The following ZGRF1 variants were observed in gnomAD, a reference collection of about 807,000 sequenced individuals.
The protein encoded by ZGRF1 is 5'-3' DNA helicase ZGRF1.
A neutral mutation model predicts 203.5 loss-of-function variants in ZGRF1; 196 were observed. That is an observed-to-expected ratio of 0.96 (90% confidence interval 0.86 to 1.08). The LOEUF (loss-of-function observed/expected upper bound fraction) is 1.08. ZGRF1 is among the 50% of genes least tolerant of loss of function. ZGRF1 has a pLI of 0.00. For missense variants in ZGRF1, 2,326 were observed against 2,416.3 expected (o/e 0.96, Z 0.78); for synonymous variants, 809 against 841.3 (o/e 0.96, Z 0.66).
intron 10 of ZGRF1, among the ~76,000 whole-genome samples, chr4:112,600,650 G>T (rs1261548572): frequency 1.3e-5 from 2 of 152,064 alleles, no homozygotes; most frequent in Non-Finnish European, 2.9e-5. Context: ...CTGAGTGTTG[G>T]GAGGGAAACT....
At chr4:112,629,458 C>T (rs2047338206) in intron 3 of ZGRF1, among the ~76,000 whole-genome samples, 1 of 152,062 alleles carries the variant, frequency 6.6e-6, no homozygotes, top group South Asian at 2.1e-4. Context: ...ACGGCTTGAG[C>T]TCAGGAGTTT....
At chr4:112,628,367 A>T (rs1281525707) in intron 3 of ZGRF1, among the ~76,000 whole-genome samples, 1 of 152,220 alleles carries the variant, frequency 6.6e-6, no homozygotes, top group Non-Finnish European at 1.5e-5. Flanking sequence ...TAATAAGAGA[A>T]GAGCCAGAAT....
Position 112,614,875 on chromosome 4 carries a change from G to A in ZGRF1, c.2603-2287C>T, listed in dbSNP as rs1043631880. On this transcript the variant is annotated intron_variant, in intron 6 of 27. Coordinates refer to ENST00000505019, the MANE Select transcript of ZGRF1 (RefSeq NM_018392.5). ...ATAGTGCTATCTAGTGTTCCCAAGG[G>A]CAAGAAGACTGTGATATTCCTTATG... is the stretch of plus-strand genomic sequence containing the variant. 2.0e-5 allele frequency among the ~76,000 whole-genome samples: 3 copies of A among 152,040 alleles called. No individual in the cohort carries two copies. The South Asian group carries it at 6.2e-4, about 32-fold the overall frequency.
intron 23 of ZGRF1, 109 bp from the exon 24 acceptor site, chr4:112,547,517 G>T: frequency 1.1e-6 from 1 of 949,574 alleles, no homozygotes; most frequent in Non-Finnish European, 1.6e-6. Context: ...ATGCCATGAA[G>T]TATCCTGAGT....
rs368809552 is a variant in ZGRF1, at chr4:112,597,745, G to A, written c.2976+5779C>T. 2.3e-4 allele frequency among the ~76,000 whole-genome samples: 35 copies of A among 151,386 alleles called. No individual in the cohort carries two copies. In the East Asian group the frequency reaches 4.5e-3, roughly 19 times the overall value. On this transcript the variant is annotated intron_variant, in intron 10 of 27. Coordinates refer to ENST00000505019, the MANE Select transcript of ZGRF1 (RefSeq NM_018392.5). The stretch of plus-strand genomic sequence containing the variant: ...AATACCAAAAAAAAATTAGCTGGAC[G>A]TGGTGGTGCGTGCCTGTGGCCCCAG...
intron 6 of ZGRF1, among the ~76,000 whole-genome samples, chr4:112,617,205 A>C (rs546010813): frequency 6.6e-6 from 1 of 152,232 alleles, no homozygotes; most frequent in Non-Finnish European, 1.5e-5. Context: ...ATATTTATGG[A>C]AGGATATTCT....
intron 10 of ZGRF1, among the ~76,000 whole-genome samples, chr4:112,593,997 CT>C (rs960249593): frequency 2.9e-4 from 44 of 152,192 alleles, no homozygotes; most frequent in African/African-American, 1.1e-3. Context: ...TCAAGCAATC[CT>C]CCCGCTTTGG....
intron 4 of ZGRF1, among the ~76,000 whole-genome samples, chr4:112,620,866 A>G (rs1449284739): frequency 6.7e-6 from 1 of 149,812 alleles, no homozygotes; most frequent in Non-Finnish European, 1.5e-5. Flanking sequence ...CCTGTCTCAA[A>G]AAAAAAAAAA....
intron 15 of ZGRF1, among the ~76,000 whole-genome samples, chr4:112,582,165 T>C (rs1746373418): frequency 6.6e-6 from 1 of 152,214 alleles, no homozygotes; most frequent in South Asian, 2.1e-4. Context: ...TCAGGGAAAC[T>C]GGGATATTCA....
At chr4:112,563,046 C>CT (rs1742303400) in intron 17 of ZGRF1, 85 bp downstream of exon 17, 10 of 1,204,246 alleles carry the variant, frequency 8.3e-6, no homozygotes, top group Non-Finnish European at 1.1e-5. Flanking sequence ...GAGTTGGGTC[C>CT]TTTTTGTTGG....
At chr4:112,624,128 T>C (rs957618751) in intron 3 of ZGRF1, among the ~76,000 whole-genome samples, 1 of 151,516 alleles carries the variant, frequency 6.6e-6, no homozygotes, top group African/African-American at 2.4e-5. Context: ...GGAAGCTTTG[T>C]TCTTTCGCTC....
At chr4:112,582,036 G>T (rs1056700028) in intron 15 of ZGRF1, among the ~76,000 whole-genome samples, 2 of 152,036 alleles carry the variant, frequency 1.3e-5, no homozygotes, top group African/African-American at 4.8e-5. Context: ...AGAACACCTC[G>T]TGTGCTTTTT....
chr4:112,539,801 C>T, intron 27 of ZGRF1, 62 bp downstream of exon 27: 1 of 1,595,450 alleles, frequency 6.3e-7, no homozygotes, highest in East Asian at 2.2e-5. Context: ...GCACCCCAAG[C>T]ATTAACCCAT....
At position 112,617,709 on chromosome 4, in the gene ZGRF1, G is replaced by A. The variant is rs761874128; in HGVS notation, c.2333C>T (p.Thr778Ile). Reference protein sequence around the residue: ...LGKKHLISKDTEAHISEPEDL... With the variant: ...LGKKHLISKDIEAHISEPEDL... ...TTCAGGTTCAGATATATGTGCTTCTGTGTCTTTGGAAATAAGATGCTTTTT... is the reference window on the plus strand; with the variant it reads ...TTCAGGTTCAGATATATGTGCTTCTATGTCTTTGGAAATAAGATGCTTTTT... Residue 778 changes from threonine (T) to isoleucine (I), a missense_variant, in exon 6 of 28, where the codon ACA (threonine) becomes ATA (isoleucine). Transcript: ENST00000505019. 6.2e-7 allele frequency: 1 copy of A among 1,614,046 alleles called. No homozygotes were observed. The highest frequency in any genetic ancestry group is 2.2e-5 in the East Asian group (1 of 44,870).
intron 19 of ZGRF1, 69 bp from the exon 20 acceptor site, chr4:112,558,378 T>C: frequency 7.7e-7 from 1 of 1,304,790 alleles, no homozygotes; most frequent in South Asian, 1.9e-5. Flanking sequence ...CTTTTCTTTT[T>C]CTTGAGACAG....
intron 19 of ZGRF1, among the ~76,000 whole-genome samples, chr4:112,559,554 G>A (rs879906342): frequency 2.2e-4 from 33 of 152,222 alleles, no homozygotes; most frequent in African/African-American, 7.9e-4. Context: ...TATGAAGTAA[G>A]GCAAAACTAG....
chr4:112,606,591 G>A (rs35063720), intron 8 of ZGRF1, among the ~76,000 whole-genome samples: 59,418 of 151,058 alleles, frequency 0.39, 11,897 homozygotes, highest in South Asian at 0.49. Context: ...CCTGGAGGCA[G>A]AGATTGTGGT....
At position 112,539,916 on chromosome 4, in the gene ZGRF1, A is replaced by C; in HGVS notation, c.6119T>G (p.Leu2040Ter). The change falls in exon 27 of 28, where the codon TTA (leucine) becomes TGA (stop). Residue 2040 changes from leucine to a stop codon, truncating the protein, a stop_gained. Transcript: ENST00000505019. LOFTEE classifies it high-confidence loss of function. ...AAGTTGATTTTTCCTCAAACAGGCTAAATTTCCCACAATCAACAAATGCCT... is the reference window on the plus strand; with the variant it reads ...AAGTTGATTTTTCCTCAAACAGGCTCAATTTCCCACAATCAACAAATGCCT... Reference protein sequence around the residue: ...GKRHLLIVGNLACLRKNQLWG... With the variant: ...GKRHLLIVGN The C allele has an allele frequency of 6.2e-7, 1 of 1,613,880 alleles. No homozygotes were observed. Among genetic ancestry groups the C allele is most frequent in the South Asian group, 1.1e-5 (1 of 91,074 alleles).
Position 112,618,314 on chromosome 4 carries a change from A to C in ZGRF1, c.1728T>G (p.Ser576=), listed in dbSNP as rs773642814. ...CAATCTCTTCACAGTTTGTATTCTC[A>C]GACCTCTTTTGAAAACATGAATTGC... ...NDGNSCFQKR[S]ENTNCEEIEG... is the part of the protein sequence containing the mutation. Residue 576 remains serine, a synonymous_variant, in exon 6 of 28, where the codon TCT becomes TCG. Coordinates refer to ENST00000505019, the MANE Select transcript of ZGRF1 (RefSeq NM_018392.5). The C allele has an allele frequency of 6.2e-7, 1 of 1,613,816 alleles. No homozygotes were observed. Among genetic ancestry groups the C allele is most frequent in the South Asian group, 1.1e-5 (1 of 91,058 alleles).
Sources: allele counts gnomAD v4.1 joint callset (sites outside exome capture counted in the v4.1 genomes callset), GRCh38; gene constraint gnomAD v4.1.1; transcripts MANE v1.5; gene names NCBI Gene and HGNC (gene_info 2026-07-23, HGNC 2026-07-21).